CCDC30: variants seen among roughly 807,000 people sequenced by gnomAD.
CCDC30 encodes the protein coiled-coil domain containing 30.
A neutral mutation model predicts 100.2 loss-of-function variants in CCDC30; 70 were observed. That is an observed-to-expected ratio of 0.70 (90% CI 0.58 to 0.85). The LOEUF is 0.85. Ranked by LOEUF, CCDC30 falls within the 40% of genes least tolerant of loss-of-function variation. The pLI, the probability that CCDC30 is intolerant of heterozygous loss-of-function variation, is 0.00. For missense variants in CCDC30, 652 were observed against 771.2 expected (o/e 0.85, Z 1.83); for synonymous variants, 233 against 269.5 (o/e 0.86, Z 1.33).
intron 10 of CCDC30, 37 bp from the exon 15 acceptor site, chr1:42,610,941 C>A: frequency 9.6e-7 from 1 of 1,044,764 alleles, no homozygotes. Context: ...ATACCTTTGT[C>A]AGGTCAGAGT....
At chr1:42,594,203 C>G (rs1386922977) in intron 10 of CCDC30, 1 of 152,190 alleles carries the variant, frequency 6.6e-6, no homozygotes, top group Non-Finnish European at 1.5e-5. Context: ...CGTGGATATA[C>G]TATAACATTA....
chr1:42,644,066 T>C (rs1336426695), intron 13 of CCDC30, among the ~76,000 whole-genome samples: 1 of 152,206 alleles, frequency 6.6e-6, no homozygotes, highest in East Asian at 1.9e-4. Flanking sequence ...TAACTTTTAC[T>C]TGGTGTATTA....
chr1:42,470,720 A>G (rs1322042687), intron 1 of CCDC30, among the ~76,000 whole-genome samples: 1 of 152,246 alleles, frequency 6.6e-6, no homozygotes, highest in Non-Finnish European at 1.5e-5. Context: ...CAAATATTGT[A>G]TGATTCCATT....
At chr1:42,563,774 G>A (rs1461977386) in intron 6 of CCDC30, among the ~76,000 whole-genome samples, 1 of 151,992 alleles carries the variant, frequency 6.6e-6, no homozygotes, top group Non-Finnish European at 1.5e-5. Flanking sequence ...CTACTCAAGA[G>A]GCTGAGGCAG....
At chr1:42,505,742 T>A (rs1260439904) in intron 6 of CCDC30, among the ~76,000 whole-genome samples, 4 of 152,222 alleles carry the variant, frequency 2.6e-5, no homozygotes, top group African/African-American at 9.6e-5. Flanking sequence ...CCTTTCCTCT[T>A]AAGTTCCTAA....
At chr1:42,646,438 A>G (rs553517927) in intron 15 of CCDC30, 121 bp downstream of exon 19, 1 of 1,229,092 alleles carries the variant, frequency 8.1e-7, no homozygotes, top group Non-Finnish European at 1.0e-6. Flanking sequence ...GGAGGTAGTC[A>G]AACAGATTCC....
intron 7 of CCDC30, chr1:42,571,386 A>G (rs547376653): frequency 1.3e-4 from 20 of 152,226 alleles, no homozygotes; most frequent in Non-Finnish European, 2.2e-4. Context: ...AGGCTTTCTA[A>G]AAGGCTGGAG....
chr1:42,478,712 T>C (rs1182376687), intron 1 of CCDC30, among the ~76,000 whole-genome samples: 1 of 152,152 alleles, frequency 6.6e-6, no homozygotes, highest in Non-Finnish European at 1.5e-5. Flanking sequence ...TGAGCCTTGA[T>C]TGCATCACTG....
intron 15 of CCDC30, among the ~76,000 whole-genome samples, chr1:42,647,079 G>A (rs759201224): frequency 1.1e-4 from 16 of 152,040 alleles, no homozygotes; most frequent in Non-Finnish European, 2.4e-4. Context: ...CAGCCTGGGT[G>A]ACAGAGTGAG....
At position 42,500,312 on chromosome 1, in the gene CCDC30, T is replaced by C. The variant is rs1644290237; in HGVS notation, c.456+1396T>C. The C allele has an allele frequency of 9.3e-6, 15 of 1,610,140 alleles. No individual in the cohort carries two copies. In the South Asian group the frequency reaches 1.5e-4, roughly 17 times the overall value. ...AGTTTCGACTTATCGAATTTCTCCATCTCAGCCATATCGGGTTTGTCAGAC... is the reference window on the plus strand; with the variant it reads ...AGTTTCGACTTATCGAATTTCTCCACCTCAGCCATATCGGGTTTGTCAGAC... On this transcript the variant is annotated intron_variant, in intron 6 of 16. Coordinates refer to ENST00000668663, the Ensembl canonical transcript of CCDC30.
At chr1:42,468,469 T>C (rs1379960134) in intron 1 of CCDC30, among the ~76,000 whole-genome samples, 1 of 152,204 alleles carries the variant, frequency 6.6e-6, no homozygotes, top group East Asian at 1.9e-4. Flanking sequence ...TTACACCCAT[T>C]GGTCAGAACT....
rs939080120 is a variant in CCDC30 at position 42,517,573 on chromosome 1, T to C, written c.456+18657T>C. Reference sequence around the variant, plus strand: ...TAGCTCTTGTGTTTAGGTCTTTTTATCCTTTTTGAATTAATTTTTGTGAAT... The same window carrying C: ...TAGCTCTTGTGTTTAGGTCTTTTTACCCTTTTTGAATTAATTTTTGTGAAT... On this transcript the variant is annotated intron_variant, in intron 6 of 16. Transcript: ENST00000668663. Among the ~76,000 whole-genome samples the C allele has an allele frequency of 3.3e-5, 5 of 152,324 alleles. No homozygotes were observed. The South Asian group carries it at 8.3e-4, about 25-fold the overall frequency.
chr1:42,475,138 G>T (rs768348954), intron 1 of CCDC30, among the ~76,000 whole-genome samples: 1 of 152,092 alleles, frequency 6.6e-6, no homozygotes, highest in Non-Finnish European at 1.5e-5. Flanking sequence ...GTGGTTACAT[G>T]TCATCATACC....
intron 1 of CCDC30, among the ~76,000 whole-genome samples, chr1:42,474,649 C>T (rs1178570188): frequency 6.6e-6 from 1 of 152,142 alleles, no homozygotes; most frequent in Non-Finnish European, 1.5e-5. Flanking sequence ...GTACTAAGAA[C>T]TCAGTCTCTG....
intron 1 of CCDC30, among the ~76,000 whole-genome samples, chr1:42,465,341 AGTTTTTTTT>A (rs1643538083): frequency 6.6e-6 from 1 of 151,992 alleles, no homozygotes; most frequent in Non-Finnish European, 1.5e-5. Context: ...ATTCTAGGAC[AGTTTTTTTT>A]GTTTTTGTTT....
chr1:42,632,830 A>G (rs188431730), intron 11 of CCDC30, among the ~76,000 whole-genome samples: 2 of 149,966 alleles, frequency 1.3e-5, no homozygotes, highest in South Asian at 2.1e-4. Context: ...TGTTTTTTTC[A>G]GAGACAGCCT....
At chr1:42,482,955 A>C in intron 3 of CCDC30, 139 bp downstream of exon 3, 4 of 573,134 alleles carry the variant, frequency 7.0e-6, no homozygotes, top group Non-Finnish European at 1.0e-5. Context: ...GAACAGCCTC[A>C]TTTTCTACCA....
At chr1:42,625,507 A>G (rs960346060) in intron 11 of CCDC30, among the ~76,000 whole-genome samples, 1 of 151,934 alleles carries the variant, frequency 6.6e-6, no homozygotes. Context: ...ACTTACAGCT[A>G]TAAACTTACT....
At chr1:42,580,874 A>G (rs1645950163) in intron 8 of CCDC30, 1 of 456,220 alleles carries the variant, frequency 2.2e-6, no homozygotes, top group Non-Finnish European at 4.4e-6. Flanking sequence ...AACTAGGTGC[A>G]CTCACAATGC....
Sources: allele counts gnomAD v4.1 joint callset (sites outside exome capture counted in the v4.1 genomes callset), GRCh38; gene constraint gnomAD v4.1.1; transcripts MANE v1.5; gene names NCBI Gene and HGNC (gene_info 2026-07-23, HGNC 2026-07-21).